Variants in MAP2K4 observed in about 807,000 individuals in gnomAD.
The protein encoded by MAP2K4 is mitogen-activated protein kinase kinase 4, also known as dual specificity mitogen-activated protein kinase kinase 4.
Under a neutral mutation model 48.5 loss-of-function variants are expected in MAP2K4, and 4 were observed. The ratio of observed to expected loss-of-function variants is 0.08; its 90% CI spans 0.04 to 0.19. The LOEUF (loss-of-function observed/expected upper bound fraction) is 0.19. MAP2K4 is among the 10% of genes least tolerant of loss of function. The probability of loss-of-function intolerance (pLI) is 1.00; values close to 1 mark genes in which losing one functional copy is unlikely to be tolerated. For synonymous variants in MAP2K4, 166 were observed against 173.1 expected, an observed-to-expected ratio of 0.96 and a Z score of 0.32; for missense variants, 258 against 493.3, an observed-to-expected ratio of 0.52 and a Z score of 4.52.
At chr17:12,021,889 A>G (rs1969085329) in intron 1 of MAP2K4, among the ~76,000 whole-genome samples, 1 of 152,292 alleles carries the variant, frequency 6.6e-6, no homozygotes. Flanking sequence ...TTAGCTGTGT[A>G]TGGCTTTTGA....
chr17:12,114,037 A>AC (rs1387121507), intron 7 of MAP2K4, among the ~76,000 whole-genome samples: 1 of 152,112 alleles, frequency 6.6e-6, no homozygotes, highest in African/African-American at 2.4e-5. Context: ...TTCTTTGGGG[A>AC]CCAGCACACT....
chr17:12,051,105 A>G (rs1160283465), intron 1 of MAP2K4, among the ~76,000 whole-genome samples: 7 of 152,202 alleles, frequency 4.6e-5, no homozygotes, highest in Admixed American at 4.6e-4. Flanking sequence ...AGGACTGCTC[A>G]ATGCCTAGGC....
At chr17:12,127,778 GA>G (rs1256979802) in intron 8 of MAP2K4, among the ~76,000 whole-genome samples, 5 of 152,168 alleles carry the variant, frequency 3.3e-5, no homozygotes, top group Non-Finnish European at 7.4e-5. Flanking sequence ...TTAACAGAAA[GA>G]AACTTCAGCT....
intron 3 of MAP2K4, among the ~76,000 whole-genome samples, chr17:12,084,216 A>T (rs1378772900): frequency 6.6e-6 from 1 of 152,234 alleles, no homozygotes; most frequent in African/African-American, 2.4e-5. Context: ...TAATCTAAAA[A>T]TCAGTTTTGA....
At chr17:12,063,595 A>G (rs1325915793) in intron 2 of MAP2K4, among the ~76,000 whole-genome samples, 1 of 152,202 alleles carries the variant, frequency 6.6e-6, no homozygotes, top group Non-Finnish European at 1.5e-5. Flanking sequence ...AATTTCTTTG[A>G]TAGGACAAAG....
chr17:12,095,459 G>A lies in MAP2K4; in HGVS notation c.394-116G>A, dbSNP rs759395780. 6.7e-6 allele frequency: 7 copies of A among 1,044,962 alleles called. No homozygotes were observed. The Admixed American group carries it at 1.3e-4, about 20-fold the overall frequency. The allele number at this position is 1,044,962 out of a possible 1,614,324, so 64.7% of individuals were successfully genotyped here. A position where few individuals can be genotyped will look rare whatever the true frequency, so the allele number is the denominator to read the frequency against. ...GATAATTTTCATATCTGGTATTTGT[G>A]AAGTTTGGTAATTTTTAGTCTCGTA... On this transcript the variant is annotated intron_variant, in intron 3 of 10. Coordinates refer to ENST00000353533, the MANE Select transcript of MAP2K4 (RefSeq NM_003010.4).
intron 1 of MAP2K4, among the ~76,000 whole-genome samples, chr17:12,048,974 T>C (rs1424713922): frequency 6.6e-6 from 1 of 152,142 alleles, no homozygotes; most frequent in African/African-American, 2.4e-5. Flanking sequence ...TCTTTTTCTT[T>C]TGAGCTTATG....
At chr17:12,120,008 A>T (rs558638747) in intron 7 of MAP2K4, among the ~76,000 whole-genome samples, 23 of 152,298 alleles carry the variant, frequency 1.5e-4, no homozygotes, top group Non-Finnish European at 2.9e-4. Context: ...GGCCTACTTG[A>T]GTGTGGGAGG....
At chr17:12,115,811 G>C (rs879039429) in intron 7 of MAP2K4, 2 of 725,014 alleles carry the variant, frequency 2.8e-6, no homozygotes, top group East Asian at 5.4e-5. Flanking sequence ...GGACAGCTCT[G>C]CTGACAGGAG....
intron 9 of MAP2K4, among the ~76,000 whole-genome samples, chr17:12,131,298 T>A (rs1013694073): frequency 3.3e-5 from 5 of 149,624 alleles, no homozygotes; most frequent in Non-Finnish European, 5.9e-5. Context: ...CAGGCTGGAG[T>A]GTAATGATGT....
At chr17:12,087,972 C>T (rs888933676) in intron 3 of MAP2K4, among the ~76,000 whole-genome samples, 1 of 152,044 alleles carries the variant, frequency 6.6e-6, no homozygotes, top group Non-Finnish European at 1.5e-5. Context: ...AGGAGGAACT[C>T]GTACCACAAA....
At chr17:12,040,088 AGAT>A (rs1969731216) in intron 1 of MAP2K4, among the ~76,000 whole-genome samples, 1 of 152,196 alleles carries the variant, frequency 6.6e-6, no homozygotes, top group African/African-American at 2.4e-5. Flanking sequence ...GCTCTTGTTA[AGAT>A]AAACCAATGG....
chr17:12,109,087 T>C (rs1311876945), intron 5 of MAP2K4, among the ~76,000 whole-genome samples: 1 of 152,150 alleles, frequency 6.6e-6, no homozygotes, highest in Non-Finnish European at 1.5e-5. Context: ...TGGTAAATAG[T>C]GTTACCTCAT....
chr17:12,107,987 T>C, intron 5 of MAP2K4, 78 bp downstream of exon 5: 1 of 1,254,530 alleles, frequency 8.0e-7, no homozygotes, highest in Non-Finnish European at 1.1e-6. Flanking sequence ...ATGCACATAT[T>C]TGAGTGTCAC....
chr17:12,067,991 A>G (rs1970670197), intron 2 of MAP2K4, among the ~76,000 whole-genome samples: 1 of 152,196 alleles, frequency 6.6e-6, no homozygotes, highest in South Asian at 2.1e-4. Context: ...AATGTAGTCA[A>G]TGAAGGCTTC....
At chr17:12,034,193 A>G (rs867890794) in intron 1 of MAP2K4, among the ~76,000 whole-genome samples, 137 of 152,364 alleles carry the variant, frequency 9.0e-4, no homozygotes, top group Middle Eastern at 3.4e-3. Flanking sequence ...GTAAAATTGT[A>G]TATACAGTGT....
chr17:12,052,990 TCACCTAAATATTACC>T (rs1970187408), intron 1 of MAP2K4, among the ~76,000 whole-genome samples: 1 of 152,068 alleles, frequency 6.6e-6, no homozygotes, highest in Non-Finnish European at 1.5e-5. Context: ...AATGTAAATC[TCACCTAAATATTACC>T]AGCTCAAAAA....
chr17:12,075,448 TAAAC>T (rs1200033085), intron 2 of MAP2K4, among the ~76,000 whole-genome samples: 4 of 152,124 alleles, frequency 2.6e-5, no homozygotes, highest in African/African-American at 7.2e-5. Context: ...CAAGGGAAGG[TAAAC>T]AACAAACTGG....
chr17:12,093,874 T>G (rs1567656478), intron 3 of MAP2K4, among the ~76,000 whole-genome samples: 1 of 152,194 alleles, frequency 6.6e-6, no homozygotes, highest in Admixed American at 6.5e-5. Flanking sequence ...ACTTTTAGAG[T>G]TATTTTTTAA....
Sources: gnomAD v4.1 joint callset for allele counts (sites outside exome capture counted in the v4.1 genomes callset) on GRCh38, gnomAD v4.1.1 for gene constraint, MANE v1.5 for transcripts, NCBI Gene and HGNC (gene_info 2026-07-23, HGNC 2026-07-21) for gene names.